The following RAB1B variants were observed in gnomAD, a reference collection of about 807,000 sequenced individuals.
RAB1B encodes the protein RAB1B, member RAS oncogene family, also known as ras-related protein Rab-1B.
RAB1B carries 10 observed loss-of-function variants against 24.8 expected under a neutral mutation model. The ratio of observed to expected loss-of-function variants is 0.40; its 90% CI spans 0.25 to 0.68. The LOEUF (loss-of-function observed/expected upper bound fraction) is 0.68, where lower values mean the gene tolerates loss of function less well. Among genes scored for constraint, RAB1B ranks in the 30% least tolerant of loss-of-function variants. The pLI is 0.37. For missense variants in RAB1B, 154 were observed against 271.2 expected, an observed-to-expected ratio of 0.57 and a Z score of 3.04; for synonymous variants, 99 against 111.7, an observed-to-expected ratio of 0.89 and a Z score of 0.72.
rs145468882 is a variant in RAB1B at position 66,277,359 on chromosome 11, C to T, written c.*1121C>T. ...TGGGCTGCCCCCTTGGGGTGCCCCCCGCTCCCAGGTTCCCCTCTGGTGTCA... is the reference window on the plus strand; with the variant it reads ...TGGGCTGCCCCCTTGGGGTGCCCCCTGCTCCCAGGTTCCCCTCTGGTGTCA... On this transcript the variant is annotated 3_prime_UTR_variant, in exon 6 of 6. Coordinates refer to ENST00000311481, the MANE Select transcript of RAB1B (RefSeq NM_030981.3). The T allele has an allele frequency of 0.018, 2,725 of 152,790 alleles. 27 individuals carry two copies. The highest frequency in any genetic ancestry group is 0.044 in the Middle Eastern group (13 of 296). The allele number at this position is 152,790 out of a possible 1,614,324, so 9.5% of individuals were successfully genotyped here.
chr11:66,274,121 C>G (rs1644504016), intron 4 of RAB1B, among the ~76,000 whole-genome samples: 1 of 152,136 alleles, frequency 6.6e-6, no homozygotes, highest in Admixed American at 6.5e-5. Flanking sequence ...ACTATAGACA[C>G]ACACCACCAT....
chr11:66,275,006 C>T (rs1041358574), intron 4 of RAB1B, among the ~76,000 whole-genome samples: 2 of 152,008 alleles, frequency 1.3e-5, no homozygotes, highest in African/African-American at 2.4e-5. Flanking sequence ...CCTGTTTTGC[C>T]CTTGTGTGTG....
chr11:66,275,783 T>G (rs1353912359), intron 4 of RAB1B, 21 bp from the exon 5 acceptor site: 2 of 1,560,848 alleles, frequency 1.3e-6, no homozygotes, highest in Admixed American at 1.9e-5. Flanking sequence ...CAAAATAACT[T>G]TGGCCCCTGG....
At chr11:66,271,522 G>T in intron 1 of RAB1B, 6 of 219,782 alleles carry the variant, frequency 2.7e-5, no homozygotes, top group Non-Finnish European at 4.4e-5. Context: ...AAATTAGCTA[G>T]AAGTGGTGGT....
rs1444836176 is a variant in RAB1B at position 66,275,819 on chromosome 11, G to A, written c.295G>A (p.Val99Met). The change falls in exon 5 of 6, where the codon GTG becomes ATG. Residue 99 changes from valine (V) to methionine (M), a missense_variant. Coordinates refer to ENST00000311481, the MANE Select transcript of RAB1B (RefSeq NM_030981.3). ...DVTDQESYANVKQWLQEIDRY... is the reference protein window; with the variant it reads ...DVTDQESYANMKQWLQEIDRY... ...CCCCCTTTAGGAATCCTACGCCAAC[G>A]TGAAGCAGTGGCTGCAGGAGATTGA... 2.5e-6 allele frequency: 4 copies of A among 1,586,048 alleles called. No homozygotes were observed. Among genetic ancestry groups the A allele is most frequent in the South Asian group, 1.1e-5 (1 of 86,976 alleles).
intron 4 of RAB1B, among the ~76,000 whole-genome samples, chr11:66,273,046 T>C (rs1857086724): frequency 6.6e-6 from 1 of 152,168 alleles, no homozygotes; most frequent in Non-Finnish European, 1.5e-5. Context: ...CCTCTGATGC[T>C]CAGAAGAGGT....
intron 4 of RAB1B, among the ~76,000 whole-genome samples, chr11:66,273,680 T>G (rs1857097532): frequency 6.6e-6 from 1 of 152,204 alleles, no homozygotes; most frequent in Non-Finnish European, 1.5e-5. Flanking sequence ...TGGCTGTGGC[T>G]TCCCTCCTCT....
In RAB1B at chr11:66,271,843, A is replaced by G; in HGVS notation, c.61A>G (p.Lys21Glu). ...LLLIGDSGVGKSCLLLRFADD... is the reference protein window; with the variant it reads ...LLLIGDSGVGESCLLLRFADD... ...TTTGATTGGCGACTCAGGCGTGGGC[A>G]AGTCATGCCTGCTCCTGCGGTTTGC... Residue 21 changes from lysine (K) to glutamate (E), a missense_variant, in exon 2 of 6, where the codon AAG (lysine) becomes GAG (glutamate). Around this residue, in one of 2 missense-constraint regions of RAB1B, gnomAD observed 77 missense variants for 173.4 expected, o/e 0.44. Transcript: ENST00000311481. 1 of 1,614,040 alleles carries G rather than the reference A, an allele frequency of 6.2e-7. No individual in the cohort carries two copies. Among genetic ancestry groups the G allele is most frequent in the Non-Finnish European group, 8.5e-7 (1 of 1,179,962 alleles).
In RAB1B at chr11:66,277,297, C is replaced by T. The variant is rs530376239; in HGVS notation, c.*1059C>T. 1.3e-5 allele frequency: 2 copies of T among 152,870 alleles called. No homozygotes were observed. The highest frequency in any genetic ancestry group is 4.1e-4 in the South Asian group (2 of 4,834). 9.5% of individuals were successfully genotyped at this position (152,870 alleles called of 1,614,324 possible). A position where few individuals can be genotyped will look rare whatever the true frequency, so the allele number is the denominator to read the frequency against. On this transcript the variant is annotated 3_prime_UTR_variant, in exon 6 of 6. Coordinates refer to ENST00000311481, the MANE Select transcript of RAB1B (RefSeq NM_030981.3). ...CCCTCGTGCTGTCTCTTGCCTGTCCCACCTGTGCCCTGCCCTCCAGCTTGT... is the reference window on the plus strand; with the variant it reads ...CCCTCGTGCTGTCTCTTGCCTGTCCTACCTGTGCCCTGCCCTCCAGCTTGT...
chr11:66,268,715 C>A, intron 1 of RAB1B, 22 bp downstream of exon 1: 1 of 1,560,246 alleles, frequency 6.4e-7, no homozygotes, highest in Non-Finnish European at 8.7e-7. Context: ...CCGCCCGCGC[C>A]GTCCAGCGCA....
chr11:66,275,761 G>A, intron 4 of RAB1B, 43 bp from the exon 5 acceptor site: 1 of 1,545,906 alleles, frequency 6.5e-7, no homozygotes, highest in Non-Finnish European at 8.7e-7. Flanking sequence ...GGGTAGGGGT[G>A]ACAGTTGGGA....
intron 4 of RAB1B, 168 bp downstream of exon 4, chr11:66,272,628 G>T (rs1380701152): frequency 1.4e-5 from 7 of 502,818 alleles, no homozygotes; most frequent in Non-Finnish European, 1.8e-5. Context: ...ACTGTACTTG[G>T]ACTCATTTCA....
chr11:66,276,360 G>C lies in RAB1B; in HGVS notation c.*122G>C. The C allele has an allele frequency of 1.0e-6, 1 of 965,234 alleles. No individual in the cohort carries two copies. The highest frequency in any genetic ancestry group is 3.2e-5 in the Admixed American group (1 of 31,690). The allele number at this position is 965,234 out of a possible 1,614,324, so 59.8% of individuals were successfully genotyped here. On this transcript the variant is annotated 3_prime_UTR_variant, in exon 6 of 6. Coordinates refer to ENST00000311481, the MANE Select transcript of RAB1B (RefSeq NM_030981.3). ...TGAGTCTGTGGCTTTGGGGTGTCCT[G>C]GGCTCCCCATCTCCTTCTGGCCCAT...
chr11:66,271,630 C>G, intron 1 of RAB1B, 167 bp from the exon 2 acceptor site: 1 of 578,120 alleles, frequency 1.7e-6, no homozygotes, highest in South Asian at 2.0e-5. Flanking sequence ...GTGATCACTT[C>G]AGTGCACTGT....
chr11:66,276,115 G>A lies in RAB1B; in HGVS notation c.483G>A (p.Ala161=), dbSNP rs367843963. The A allele has an allele frequency of 9.0e-5, 146 of 1,613,888 alleles. No homozygotes were observed. The highest frequency in any genetic ancestry group is 2.7e-4 in the African/African-American group (20 of 75,030). Residue 161 remains alanine (A), a synonymous_variant, in exon 6 of 6, where the codon GCG becomes GCA. Coordinates refer to ENST00000311481, the MANE Select transcript of RAB1B (RefSeq NM_030981.3). ...SAKNATNVEQ[A]FMTMAAEIKK... Reference sequence around the variant, plus strand: ...AGAATGCCACCAATGTCGAGCAGGCGTTCATGACCATGGCTGCTGAAATCA... The same window carrying A: ...AGAATGCCACCAATGTCGAGCAGGCATTCATGACCATGGCTGCTGAAATCA...
At chr11:66,268,823 C>CCCG in intron 1 of RAB1B, 130 bp downstream of exon 1, 1 of 773,498 alleles carries the variant, frequency 1.3e-6, no homozygotes, top group Non-Finnish European at 1.6e-6. Context: ...CTTCCGCTGA[C>CCCG]CCCCCCCCAC....
Position 66,276,837 on chromosome 11 carries a change from A to G in RAB1B, c.*599A>G, listed in dbSNP as rs888292100. On this transcript the variant is annotated 3_prime_UTR_variant, in exon 6 of 6. Transcript: ENST00000311481. ...CGTCCAGCTGCGGTGGGATCTGAGT[A>G]TATCTAGGGCGGGTGGGCGGGTAGC... is the stretch of plus-strand genomic sequence containing the variant. 3.9e-5 allele frequency: 4 copies of G among 102,870 alleles called. No homozygotes were observed. The highest frequency in any genetic ancestry group is 1.5e-4 in the African/African-American group (4 of 25,938). 6.4% of individuals were successfully genotyped at this position (102,870 alleles called of 1,614,324 possible).
Position 66,275,951 on chromosome 11 carries a change from G to A in RAB1B, c.411+16G>A. 1 of 1,611,034 alleles carries A rather than the reference G, an allele frequency of 6.2e-7. No individual in the cohort carries two copies. Among genetic ancestry groups the A allele is most frequent in the Admixed American group, 1.7e-5 (1 of 59,550 alleles). ...CACAGCCAAGGTAGCAGACGGGCCG[G>A]TCTGCCCGGGGTCGGGGCGCTGGGG... On this transcript the variant is annotated intron_variant, in intron 5 of 5. Transcript: ENST00000311481.
At chr11:66,275,998 T>A in intron 5 of RAB1B, 46 bp from the exon 6 acceptor site, 1 of 1,588,616 alleles carries the variant, frequency 6.3e-7, no homozygotes, top group South Asian at 1.1e-5. Context: ...TCACCTGCTC[T>A]CCCCTCCTCT....
Sources: gnomAD v4.1 joint callset for allele counts (sites outside exome capture counted in the v4.1 genomes callset) on GRCh38, gnomAD v4.1.1 for gene constraint, gnomAD v4.1.1 regional missense constraint, MANE v1.5 for transcripts, NCBI Gene and HGNC (gene_info 2026-07-23, HGNC 2026-07-21) for gene names.